SHROOM4: variants seen among roughly 807,000 people sequenced by gnomAD.
SHROOM4 encodes protein Shroom4.
SHROOM4 carries 17 observed loss-of-function variants against 80.3 expected under a neutral mutation model. The observed-to-expected ratio is 0.21, with a 90% CI of 0.14 to 0.32. SHROOM4 has a LOEUF of 0.32. Ranked by LOEUF, SHROOM4 falls within the 10% of genes least tolerant of loss-of-function variation. The probability of loss-of-function intolerance (pLI) is 1.00; values close to 1 mark genes in which losing one functional copy is unlikely to be tolerated. For missense variants in SHROOM4, 993 were observed against 1,140.3 expected, an observed-to-expected ratio of 0.87 and a Z score of 1.86; for synonymous variants, 400 against 437.5, an observed-to-expected ratio of 0.91 and a Z score of 1.07.
intron 2 of SHROOM4, among the ~76,000 whole-genome samples, chrX:50,690,693 T>C (rs782200216): frequency 1.3e-4 from 15 of 112,720 alleles, no homozygotes; most frequent in Non-Finnish European, 2.8e-4. Context: ...TAGGCTGGGC[T>C]TGGTGGCTCA....
chrX:50,802,840 T>C (rs1295940728), intron 1 of SHROOM4, among the ~76,000 whole-genome samples: 5 of 112,077 alleles, frequency 4.5e-5, no homozygotes, highest in African/African-American at 6.5e-5. Context: ...CCAGAATACC[T>C]GGCTCAAATC....
At chrX:50,582,848 C>T (rs1427440495), downstream of SHROOM4, among the ~76,000 whole-genome samples, 1 of 110,634 alleles carries the variant, frequency 9.0e-6, no homozygotes, top group Non-Finnish European at 1.9e-5. Context: ...TAATATTCTC[C>T]CTAAGGTTAT....
At chrX:50,715,774 C>G (rs1218028374) in intron 1 of SHROOM4, among the ~76,000 whole-genome samples, 1 of 108,377 alleles carries the variant, frequency 9.2e-6, no homozygotes, top group East Asian at 2.9e-4. Flanking sequence ...TAAATTAGTA[C>G]AGCCATTATG....
Position 50,607,401 on chromosome X carries a change from C to T in SHROOM4, c.3741G>A (p.Gln1247=), listed in dbSNP as rs376474205. ...GIGGLWRTSG[Q]EATESAKQEF... ...CTTACTTGGCGGATTCAGTGGCTTC[C>T]TGTCCCGATGTCCTCCAAAGCCCAC... The change falls in exon 6 of 9, where the codon CAG becomes CAA. Residue 1247 remains glutamine (Q), a synonymous_variant. Coordinates refer to ENST00000376020, the MANE Select transcript of SHROOM4 (RefSeq NM_020717.5). The T allele has an allele frequency of 8.3e-7, 1 of 1,211,433 alleles. No individual in the cohort carries two copies.
chrX:50,708,885 G>A (rs1418767394), intron 1 of SHROOM4, among the ~76,000 whole-genome samples: 3 of 111,941 alleles, frequency 2.7e-5, no homozygotes, highest in Non-Finnish European at 5.6e-5. Flanking sequence ...CAAAGGAAAA[G>A]AAACTGACAT....
rs962065697 is a variant in SHROOM4, at chrX:50,649,800, C to T, written c.270-11492G>A. 4 of 112,535 alleles carry T rather than the reference C, an allele frequency of 3.6e-5. No individual in the cohort carries two copies. The East Asian group carries it at 1.1e-3, about 31-fold the overall frequency. The allele number at this position is 112,535 out of a possible 1,213,427, so 9.3% of individuals were successfully genotyped here. A position where few individuals can be genotyped will look rare whatever the true frequency, so the allele number is the denominator to read the frequency against. On this transcript the variant is annotated intron_variant, in intron 2 of 8. Coordinates refer to ENST00000376020, the MANE Select transcript of SHROOM4 (RefSeq NM_020717.5). ...GAATGTACTAAAACCCACTGAATTA[C>T]ACACTTGAAATAGTGAATTTTATGG...
chrX:50,720,931 G>A (rs991731699), intron 1 of SHROOM4, among the ~76,000 whole-genome samples: 3 of 111,975 alleles, frequency 2.7e-5, no homozygotes, highest in Non-Finnish European at 5.6e-5. Context: ...AATATGAAGC[G>A]AGAGCAACTA....
chrX:50,596,399 G>A lies in SHROOM4; in HGVS notation c.*296C>T, dbSNP rs1011473544. The A allele has an allele frequency of 1.3e-5, 6 of 461,977 alleles. No homozygotes were observed. The highest frequency in any genetic ancestry group is 2.0e-5 in the Non-Finnish European group (5 of 253,677). The allele number at this position is 461,977 out of a possible 1,213,427, so 38.1% of individuals were successfully genotyped here. A position where few individuals can be genotyped will look rare whatever the true frequency, so the allele number is the denominator to read the frequency against. On this transcript the variant is annotated 3_prime_UTR_variant, in exon 9 of 9. Coordinates refer to ENST00000376020, the MANE Select transcript of SHROOM4 (RefSeq NM_020717.5). ...GTGTCCTAGTACAAAGCAGAATGAAGGCACTTCCTTGGTTCTCTGTGCAGC... is the reference window on the plus strand; with the variant it reads ...GTGTCCTAGTACAAAGCAGAATGAAAGCACTTCCTTGGTTCTCTGTGCAGC...
At chrX:50,723,635 C>T (rs1160023978) in intron 1 of SHROOM4, among the ~76,000 whole-genome samples, 4 of 111,228 alleles carry the variant, frequency 3.6e-5, no homozygotes, top group Non-Finnish European at 7.6e-5. Flanking sequence ...GAGCTTTGAG[C>T]TCATATACAG....
intron 1 of SHROOM4, among the ~76,000 whole-genome samples, chrX:50,698,701 C>T (rs7057201): frequency 0.11 from 11,892 of 110,711 alleles, 1,625 homozygotes; most frequent in African/African-American, 0.37. Flanking sequence ...TATTTATTGT[C>T]TGGCCTCCTT....
chrX:50,623,593 C>T (rs1176589650), intron 5 of SHROOM4, among the ~76,000 whole-genome samples: 1 of 111,969 alleles, frequency 8.9e-6, no homozygotes, highest in East Asian at 2.8e-4. Context: ...TAAAATGGTG[C>T]AGTCGCTTTA....
chrX:50,628,420 T>C (rs1378430812), intron 4 of SHROOM4, among the ~76,000 whole-genome samples: 1 of 111,726 alleles, frequency 9.0e-6, no homozygotes, highest in African/African-American at 3.3e-5. Flanking sequence ...CTTCCTATTT[T>C]AGCTCCAAAC....
intron 5 of SHROOM4, among the ~76,000 whole-genome samples, chrX:50,623,478 G>A (rs997196418): frequency 9.8e-5 from 11 of 111,684 alleles, no homozygotes; most frequent in East Asian, 5.6e-4. Flanking sequence ...GTGAGCCACC[G>A]CGCCGGGCCC....
chrX:50,630,719 C>T (rs1395212148), intron 4 of SHROOM4, among the ~76,000 whole-genome samples: 3 of 111,432 alleles, frequency 2.7e-5, no homozygotes, highest in Non-Finnish European at 5.6e-5. Flanking sequence ...ATCCATCTAC[C>T]AATCCATCTT....
intron 1 of SHROOM4, among the ~76,000 whole-genome samples, chrX:50,709,821 C>T (rs1315141080): frequency 8.9e-6 from 1 of 112,011 alleles, no homozygotes; most frequent in Non-Finnish European, 1.9e-5. Flanking sequence ...AGTGTGGTAC[C>T]TGGACCAGTA....
At chrX:50,748,535 C>T (rs1438067043) in intron 1 of SHROOM4, among the ~76,000 whole-genome samples, 2 of 111,568 alleles carry the variant, frequency 1.8e-5, no homozygotes, top group Non-Finnish European at 3.8e-5. Flanking sequence ...CAACTCAAAA[C>T]TGACATGAGT....
At chrX:50,700,588 G>C (rs1255384552) in intron 1 of SHROOM4, among the ~76,000 whole-genome samples, 4 of 111,892 alleles carry the variant, frequency 3.6e-5, no homozygotes, top group Non-Finnish European at 7.5e-5. Flanking sequence ...CATGCTAGGA[G>C]AAATTAATCA....
intron 1 of SHROOM4, among the ~76,000 whole-genome samples, chrX:50,794,597 C>CCCAA (rs1935920218): frequency 9.3e-6 from 1 of 107,535 alleles, no homozygotes; most frequent in Non-Finnish European, 1.9e-5. Context: ...CCTCCAACTA[C>CCCAA]CCAACCACCC....
At chrX:50,694,386 T>G (rs1933307880) in intron 2 of SHROOM4, among the ~76,000 whole-genome samples, 1 of 108,721 alleles carries the variant, frequency 9.2e-6, no homozygotes, top group Non-Finnish European at 1.9e-5. Context: ...TTTTTTTTAA[T>G]AAAAACCATT....
Sources: gnomAD v4.1 joint callset for allele counts (sites outside exome capture counted in the v4.1 genomes callset) on GRCh38, gnomAD v4.1.1 for gene constraint, MANE v1.5 for transcripts, NCBI Gene and HGNC (gene_info 2026-07-23, HGNC 2026-07-21) for gene names.